Variants in GRK5 observed in about 807,000 individuals in gnomAD.
GRK5 encodes the protein G protein-coupled receptor kinase 5.
Under a neutral mutation model 78.4 loss-of-function variants are expected in GRK5, and 40 were observed. The ratio of observed to expected loss-of-function variants is 0.51; its 90% CI spans 0.40 to 0.66. The LOEUF (loss-of-function observed/expected upper bound fraction) is 0.66, where lower values mean the gene tolerates loss of function less well. Ranked by LOEUF, GRK5 falls within the 30% of genes least tolerant of loss-of-function variation. GRK5 has a pLI of 0.00. For synonymous variants in GRK5, 289 were observed against 296.8 expected, an observed-to-expected ratio of 0.97 and a Z score of 0.27; for missense variants, 598 against 759.9, an observed-to-expected ratio of 0.79 and a Z score of 2.50.
At chr10:119,422,797 G>T (rs1044311635) in intron 4 of GRK5, among the ~76,000 whole-genome samples, 3 of 152,238 alleles carry the variant, frequency 2.0e-5, no homozygotes, top group African/African-American at 7.2e-5. Context: ...TGTCAGCTCT[G>T]ACTACATGCC....
At chr10:119,286,075 G>A (rs781045327) in intron 1 of GRK5, among the ~76,000 whole-genome samples, 45 of 152,184 alleles carry the variant, frequency 3.0e-4, no homozygotes, top group Non-Finnish European at 5.7e-4. Flanking sequence ...TAACCCCACT[G>A]TGAATGTTTT....
intron 1 of GRK5, among the ~76,000 whole-genome samples, chr10:119,226,285 C>T (rs7078038): frequency 0.17 from 24,204 of 141,418 alleles, 2,036 homozygotes; most frequent in South Asian, 0.22. Context: ...GCATCTTCTT[C>T]TTTTTCTTTT....
intron 1 of GRK5, among the ~76,000 whole-genome samples, chr10:119,224,437 G>A (rs1477913898): frequency 6.6e-6 from 1 of 151,942 alleles, no homozygotes; most frequent in Non-Finnish European, 1.5e-5. Flanking sequence ...GAGACGGAGT[G>A]TTGCTCTGTC....
intron 3 of GRK5, among the ~76,000 whole-genome samples, chr10:119,386,618 C>G (rs1379196453): frequency 2.6e-5 from 4 of 152,222 alleles, no homozygotes; most frequent in African/African-American, 9.7e-5. Context: ...AGCTGCCACT[C>G]ACGAGGGGCC....
intron 12 of GRK5, among the ~76,000 whole-genome samples, chr10:119,446,918 C>A (rs1170509460): frequency 6.6e-6 from 1 of 152,248 alleles, no homozygotes; most frequent in African/African-American, 2.4e-5. Flanking sequence ...TGAATATGAG[C>A]AAAGCGCACA....
intron 9 of GRK5, among the ~76,000 whole-genome samples, chr10:119,438,118 A>C (rs1302725298): frequency 6.6e-6 from 1 of 152,216 alleles, no homozygotes; most frequent in African/African-American, 2.4e-5. Flanking sequence ...TCTTCTGTCG[A>C]GTTGCCATTG....
At chr10:119,401,729 C>T (rs1344539197) in intron 4 of GRK5, among the ~76,000 whole-genome samples, 3 of 152,176 alleles carry the variant, frequency 2.0e-5, no homozygotes, top group African/African-American at 7.2e-5. Flanking sequence ...CAAAGTCAGG[C>T]TGTTGAATGA....
chr10:119,241,916 C>T (rs1849034566), intron 1 of GRK5, among the ~76,000 whole-genome samples: 2 of 151,998 alleles, frequency 1.3e-5, no homozygotes, highest in Admixed American at 6.6e-5. Flanking sequence ...CCATCTTAGG[C>T]TAAAAAAGAA....
rs762994858 is a variant in GRK5 at position 119,326,648 on chromosome 10, G to A, written c.148+37G>A. On this transcript the variant is annotated intron_variant, in intron 2 of 15. Transcript: ENST00000392870. ...TGCCTGGGGGCTGTGCGGGGAGTGA[G>A]TAGCAGGTGATCCGCCAAGCCGTTT... The A allele has an allele frequency of 3.3e-6, 5 of 1,501,124 alleles. No individual in the cohort carries two copies. In the African/African-American group the frequency reaches 5.5e-5, roughly 17 times the overall value. The allele number at this position is 1,501,124 out of a possible 1,614,324, so 93.0% of individuals were successfully genotyped here.
intron 2 of GRK5, among the ~76,000 whole-genome samples, chr10:119,343,229 C>T (rs1851013925): frequency 6.6e-6 from 1 of 152,148 alleles, no homozygotes; most frequent in African/African-American, 2.4e-5. Context: ...GGGACAGAGA[C>T]ATCTGTGTGG....
chr10:119,451,454 A>G (rs1382548182), intron 13 of GRK5, among the ~76,000 whole-genome samples: 2 of 152,046 alleles, frequency 1.3e-5, no homozygotes, highest in East Asian at 1.9e-4. Flanking sequence ...GGGTCCCCAC[A>G]CCTGGCTCAG....
chr10:119,364,532 C>T (rs1851414361), intron 2 of GRK5, among the ~76,000 whole-genome samples: 1 of 152,118 alleles, frequency 6.6e-6, no homozygotes, highest in South Asian at 2.1e-4. Flanking sequence ...TCAGCTGCTG[C>T]CCCCAAGTAA....
intron 1 of GRK5, among the ~76,000 whole-genome samples, chr10:119,315,343 T>G (rs1484127379): frequency 6.6e-6 from 1 of 152,256 alleles, no homozygotes; most frequent in African/African-American, 2.4e-5. Flanking sequence ...CTCGCCTTGT[T>G]CGGGCCTGGA....
chr10:119,394,069 CTGTGGG>C (rs1851934491), intron 3 of GRK5, among the ~76,000 whole-genome samples: 1 of 115,532 alleles, frequency 8.7e-6, no homozygotes, highest in Non-Finnish European at 1.8e-5. Flanking sequence ...GTGTGTGTGT[CTGTGGG>C]TGTGTGTGGG....
chr10:119,213,926 G>A (rs1848528723), intron 1 of GRK5, among the ~76,000 whole-genome samples: 1 of 152,148 alleles, frequency 6.6e-6, no homozygotes, highest in South Asian at 2.1e-4. Flanking sequence ...TGAAATGACT[G>A]AAAAGATGCA....
chr10:119,366,445 A>G (rs1199085363), intron 2 of GRK5, among the ~76,000 whole-genome samples: 2 of 152,206 alleles, frequency 1.3e-5, no homozygotes, highest in East Asian at 3.8e-4. Flanking sequence ...GAGACAGCAC[A>G]TCAGTTACAT....
chr10:119,308,662 CG>C (rs908075054), intron 1 of GRK5, among the ~76,000 whole-genome samples: 1 of 152,244 alleles, frequency 6.6e-6, no homozygotes. Context: ...CTGTGCCACG[CG>C]GTGGGGGAGC....
intron 4 of GRK5, among the ~76,000 whole-genome samples, chr10:119,421,983 T>C (rs1373180902): frequency 3.3e-5 from 5 of 152,126 alleles, no homozygotes; most frequent in Non-Finnish European, 5.9e-5. Flanking sequence ...AACCATCCAG[T>C]GGACTCTTAG....
chr10:119,240,362 G>A (rs1348073567), intron 1 of GRK5, among the ~76,000 whole-genome samples: 2 of 151,654 alleles, frequency 1.3e-5, no homozygotes, highest in South Asian at 2.1e-4. Flanking sequence ...TACCATGCCC[G>A]GCTAATTTTT....
Sources: gnomAD v4.1 joint callset for allele counts (sites outside exome capture counted in the v4.1 genomes callset) on GRCh38, gnomAD v4.1.1 for gene constraint, MANE v1.5 for transcripts, NCBI Gene and HGNC (gene_info 2026-07-23, HGNC 2026-07-21) for gene names.